AP3B1: variants seen among roughly 807,000 people sequenced by gnomAD.
The protein encoded by AP3B1 is adaptor related protein complex 3 subunit beta 1.
A neutral mutation model predicts 132.5 loss-of-function variants in AP3B1; 61 were observed. The ratio of observed to expected loss-of-function variants is 0.46; its 90% confidence interval spans 0.37 to 0.57. The LOEUF (loss-of-function observed/expected upper bound fraction) is 0.57, where lower values mean the gene tolerates loss of function less well. AP3B1 is among the 20% of genes least tolerant of loss of function. The pLI, the probability that AP3B1 is intolerant of heterozygous loss-of-function variation, is 0.00. For missense variants in AP3B1, 1,120 were observed against 1,289.4 expected, an observed-to-expected ratio of 0.87 and a Z score of 2.01; for synonymous variants, 388 against 438.3, an observed-to-expected ratio of 0.89 and a Z score of 1.43.
chr5:78,195,677 G>A (rs569211446), intron 7 of AP3B1, among the ~76,000 whole-genome samples: 1 of 152,156 alleles, frequency 6.6e-6, no homozygotes, highest in African/African-American at 2.4e-5. Flanking sequence ...AAAATTAGCT[G>A]GGTGTGGTGA....
At chr5:78,137,313 T>C (rs1430038869) in intron 15 of AP3B1, among the ~76,000 whole-genome samples, 5 of 152,152 alleles carry the variant, frequency 3.3e-5, no homozygotes, top group African/African-American at 1.2e-4. Context: ...TAGCTGTGTT[T>C]CTCTGAATCC....
intron 3 of AP3B1, 48 bp from the exon 4 acceptor site, chr5:78,228,287 C>T (rs762786878): frequency 1.6e-5 from 22 of 1,404,776 alleles, no homozygotes; most frequent in South Asian, 7.2e-5. Flanking sequence ...AAATTTAAAA[C>T]TCAGTATTTG....
Position 78,220,787 on chromosome 5 carries a change from C to T in AP3B1, c.604-4550G>A, listed in dbSNP as rs189076202. Among the ~76,000 whole-genome samples, 525 of 152,138 alleles carry T rather than the reference C, an allele frequency of 3.5e-3. 1 individual carries two copies. The highest frequency in any genetic ancestry group is 6.2e-3 in the Admixed American group (95 of 15,280). On this transcript the variant is annotated intron_variant, in intron 6 of 26. Coordinates refer to ENST00000255194, the MANE Select transcript of AP3B1 (RefSeq NM_003664.5). The stretch of plus-strand genomic sequence containing the variant: ...AAGAGGGGCTGGGTGCAGTGGCTCA[C>T]GCCTGTAATCCCAATACTTTGCAAG...
At chr5:78,037,255 C>T (rs916918638) in intron 23 of AP3B1, among the ~76,000 whole-genome samples, 36 of 152,126 alleles carry the variant, frequency 2.4e-4, no homozygotes, top group African/African-American at 7.7e-4. Flanking sequence ...ACATTCTCAA[C>T]CTTCAGACAA....
At chr5:78,147,493 C>T (rs1265466001) in intron 14 of AP3B1, among the ~76,000 whole-genome samples, 1 of 151,962 alleles carries the variant, frequency 6.6e-6, no homozygotes, top group Non-Finnish European at 1.5e-5. Flanking sequence ...TTTATTTCTT[C>T]CATCTTTATT....
In AP3B1 at chr5:78,080,453, C is replaced by CT. The variant is rs536764034; in HGVS notation, c.2577+8939dup. 4.6e-3 allele frequency among the ~76,000 whole-genome samples: 631 copies of CT among 138,150 alleles called. 7 individuals are homozygous for CT. The highest frequency in any genetic ancestry group is 0.011 in the African/African-American group (431 of 37,848). 90.6% of individuals were successfully genotyped at this position (138,150 alleles called of 152,430 possible). A position where few individuals can be genotyped will look rare whatever the true frequency, so the allele number is the denominator to read the frequency against. Reference sequence around the variant, plus strand: ...AGTGATAGATGTAGTTTCCAATTTTCTTTTTTTTTTTTCTTTTTCTTTTTT... The same window carrying CT: ...AGTGATAGATGTAGTTTCCAATTTTCTTTTTTTTTTTTTCTTTTTCTTTTTT... On this transcript the variant is annotated intron_variant, in intron 22 of 26. Coordinates refer to ENST00000255194, the MANE Select transcript of AP3B1 (RefSeq NM_003664.5).
At position 78,127,806 on chromosome 5, in the gene AP3B1, A is replaced by G. The variant is rs554655242; in HGVS notation, c.1968+224T>C. ...TGGGTGGCACTGATGCAGAGAATTC[A>G]GTTCTCTATTTCCTTGAAGAAAAGG... On this transcript the variant is annotated intron_variant, in intron 17 of 26. Transcript: ENST00000255194. Among the ~76,000 whole-genome samples, 7 of 152,316 alleles carry G rather than the reference A, an allele frequency of 4.6e-5. No individual in the cohort carries two copies. The South Asian group carries it at 1.4e-3, about 32-fold the overall frequency.
intron 14 of AP3B1, among the ~76,000 whole-genome samples, chr5:78,147,085 A>C (rs1234129256): frequency 6.6e-6 from 1 of 152,098 alleles, no homozygotes; most frequent in Non-Finnish European, 1.5e-5. Context: ...GAAATATCTA[A>C]TATGAGAGAA....
At chr5:78,014,515 T>C (rs543648027) in intron 26 of AP3B1, among the ~76,000 whole-genome samples, 3 of 152,346 alleles carry the variant, frequency 2.0e-5, no homozygotes, top group South Asian at 2.1e-4. Flanking sequence ...AAATCACCTG[T>C]AGCATTTTTC....
intron 7 of AP3B1, among the ~76,000 whole-genome samples, chr5:78,205,861 AT>A (rs5868907): frequency 0.56 from 83,775 of 150,806 alleles, 23,376 homozygotes; most frequent in Admixed American, 0.59. Context: ...GTCTAAAAAA[AT>A]TTTTTTTTTT....
intron 17 of AP3B1, 23 bp from the exon 18 acceptor site, chr5:78,116,257 T>C: frequency 6.4e-7 from 1 of 1,564,656 alleles, no homozygotes; most frequent in Non-Finnish European, 8.8e-7. Flanking sequence ...ATAAAGTAAA[T>C]ATAAATGAAT....
intron 19 of AP3B1, among the ~76,000 whole-genome samples, chr5:78,112,818 A>C (rs1751654528): frequency 6.6e-6 from 1 of 152,202 alleles, no homozygotes; most frequent in Admixed American, 6.5e-5. Flanking sequence ...TTCAGATGTT[A>C]ATCTAATGAA....
At position 78,212,101 on chromosome 5, in the gene AP3B1, G is replaced by A. The variant is rs577383234; in HGVS notation, c.786+3954C>T. On this transcript the variant is annotated intron_variant, in intron 7 of 26. Coordinates refer to ENST00000255194, the MANE Select transcript of AP3B1 (RefSeq NM_003664.5). ...TCAACACCAGCCTGGCCAACATGCC[G>A]AAACCCCATCTCTACTAAAAATACA... 1.2e-4 allele frequency among the ~76,000 whole-genome samples: 19 copies of A among 152,236 alleles called. No individual in the cohort carries two copies. In the East Asian group the frequency reaches 2.9e-3, roughly 23 times the overall value.
chr5:78,019,407 A>G (rs1746998210), intron 25 of AP3B1, among the ~76,000 whole-genome samples: 1 of 152,174 alleles, frequency 6.6e-6, no homozygotes, highest in Non-Finnish European at 1.5e-5. Flanking sequence ...TTTCAAAAAA[A>G]GAATATCCCC....
At chr5:78,220,097 G>A (rs1442540961) in intron 6 of AP3B1, among the ~76,000 whole-genome samples, 1 of 151,972 alleles carries the variant, frequency 6.6e-6, no homozygotes, top group East Asian at 1.9e-4. Context: ...AAATGTACCT[G>A]TCTTCCTTCA....
At chr5:78,061,134 GAA>G (rs879781378) in intron 22 of AP3B1, among the ~76,000 whole-genome samples, 4 of 118,300 alleles carry the variant, frequency 3.4e-5, no homozygotes, top group African/African-American at 1.2e-4. Context: ...GTCAAACATA[GAA>G]AAAAAAAAAA....
chr5:78,277,701 G>C (rs1407242564), intron 1 of AP3B1, among the ~76,000 whole-genome samples: 1 of 151,998 alleles, frequency 6.6e-6, no homozygotes, highest in Non-Finnish European at 1.5e-5. Context: ...ATTCCTTACC[G>C]GTCCATAACA....
chr5:78,278,582 G>C (rs1197137116), intron 1 of AP3B1, among the ~76,000 whole-genome samples: 4 of 62,566 alleles, frequency 6.4e-5, no homozygotes, highest in Admixed American at 2.3e-4. Context: ...CTGGGCGACA[G>C]AGCGAGACTC....
intron 2 of AP3B1, among the ~76,000 whole-genome samples, chr5:78,259,794 C>T (rs1748005281): frequency 6.6e-6 from 1 of 151,904 alleles, no homozygotes; most frequent in Non-Finnish European, 1.5e-5. Context: ...ATGGTGAAAC[C>T]CCAACTCTAC....
Sources: allele counts gnomAD v4.1 joint callset (sites outside exome capture counted in the v4.1 genomes callset), GRCh38; gene constraint gnomAD v4.1.1; transcripts MANE v1.5; gene names NCBI Gene and HGNC (gene_info 2026-07-23, HGNC 2026-07-21).